The following NBR1 variants were observed in gnomAD, a reference collection of about 807,000 sequenced individuals.
NBR1 encodes NBR1 autophagy cargo receptor.
NBR1 carries 59 observed loss-of-function variants against 115.5 expected under a neutral mutation model. The ratio of observed to expected loss-of-function variants is 0.51; its 90% CI spans 0.41 to 0.63. The LOEUF (loss-of-function observed/expected upper bound fraction) is 0.63. Ranked by LOEUF, NBR1 falls within the 30% of genes least tolerant of loss-of-function variation. NBR1 has a pLI of 0.00. For synonymous variants in NBR1, 373 were observed against 414.7 expected (o/e 0.90, Z 1.22); for missense variants, 1,043 against 1,150.5 (o/e 0.91, Z 1.35).
intron 5 of NBR1, among the ~76,000 whole-genome samples, chr17:43,181,841 A>G (rs2056673636): frequency 6.7e-6 from 1 of 149,700 alleles, no homozygotes; most frequent in South Asian, 2.1e-4. Context: ...AAAATTAGCC[A>G]GGTGTGGTGG....
intron 12 of NBR1, 69 bp from the exon 13 acceptor site, chr17:43,194,281 G>T: frequency 7.3e-7 from 1 of 1,372,412 alleles, no homozygotes; most frequent in Non-Finnish European, 9.9e-7. Context: ...TATTTTTGGG[G>T]GCATTGTCAG....
chr17:43,205,126 C>T (rs539829105), intron 20 of NBR1, among the ~76,000 whole-genome samples: 19 of 151,860 alleles, frequency 1.3e-4, no homozygotes, highest in Admixed American at 1.3e-4. Context: ...AAGGCTGAGG[C>T]GGGCGGATCG....
chr17:43,185,593 C>T (rs888146066), intron 5 of NBR1, among the ~76,000 whole-genome samples: 8 of 152,006 alleles, frequency 5.3e-5, no homozygotes, highest in Admixed American at 1.3e-4. Flanking sequence ...CCCAGCTACC[C>T]GGGAGGCTGA....
intron 5 of NBR1, 136 bp from the exon 6 acceptor site, chr17:43,186,114 G>C (rs1172844895): frequency 1.5e-6 from 1 of 651,196 alleles, no homozygotes; most frequent in Non-Finnish European, 2.5e-6. Flanking sequence ...TTTGTTGTTG[G>C]ATTTAATAAA....
At chr17:43,203,600 C>T in intron 19 of NBR1, 81 bp from the exon 20 acceptor site, 1 of 824,506 alleles carries the variant, frequency 1.2e-6, no homozygotes, top group South Asian at 1.9e-5. Flanking sequence ...AATCTTATTC[C>T]AAGGATTAGA....
At chr17:43,190,912 A>G in intron 9 of NBR1, 136 bp downstream of exon 9, 2 of 879,792 alleles carry the variant, frequency 2.3e-6, no homozygotes, top group Non-Finnish European at 3.3e-6. Context: ...GAAGACAGTT[A>G]TCCAAAGTTA....
rs772712848 is a variant in NBR1, at chr17:43,193,527, G to C, written c.1413G>C (p.Arg471=). The C allele has an allele frequency of 1.9e-6, 3 of 1,613,548 alleles. No homozygotes were observed. The highest frequency in any genetic ancestry group is 2.5e-6 in the Non-Finnish European group (3 of 1,179,720). ...ACAAAGGCCAGCAATTTGGGCCTCG[G>C]GTCTGGTGCAGTATCATAGTAGATC... is the stretch of plus-strand genomic sequence containing the variant. ...LSHKGQQFGP[R]VWCSIIVDPF... The change falls in exon 12 of 21, where the codon CGG becomes CGC. Residue 471 remains arginine (R), a synonymous_variant. Transcript: ENST00000590996.
Position 43,196,508 on chromosome 17 carries a change from C to T in NBR1, c.1778C>T (p.Pro593Leu). The T allele has an allele frequency of 6.3e-7, 1 of 1,597,036 alleles. No individual in the cohort carries two copies. Among genetic ancestry groups the T allele is most frequent in the Non-Finnish European group, 8.5e-7 (1 of 1,174,466 alleles). The change falls in exon 15 of 21, where the codon CCA (proline) becomes CTA (leucine). Residue 593 changes from proline to leucine, a missense_variant. Transcript: ENST00000590996. ...GTGACTCCCTGCATGTCTCCTCTGC[C>T]ACATGACAGTCCTTTAATAGAGAAG... ...VDVTPCMSPL[P>L]HDSPLIEKPG...
rs189908693 is a variant in NBR1, at chr17:43,210,008, T to C, written c.2835T>C (p.Asn945=). Residue 945 remains asparagine (N), a synonymous_variant, in exon 21 of 21, where the codon AAT becomes AAC. Transcript: ENST00000590996. ...NLRLLKKHNY[N]ILQVVTELLQ... is the part of the protein sequence containing the mutation. ...GGCTGCTGAAGAAACACAATTACAATATCCTGCAGGTTGTGACAGAACTTC... is the reference window on the plus strand; with the variant it reads ...GGCTGCTGAAGAAACACAATTACAACATCCTGCAGGTTGTGACAGAACTTC... The C allele has an allele frequency of 1.2e-5, 20 of 1,613,466 alleles. No individual in the cohort carries two copies. In the African/African-American group the frequency reaches 2.7e-4, roughly 22 times the overall value.
chr17:43,190,484 C>A, intron 8 of NBR1, 125 bp from the exon 9 acceptor site: 1 of 963,000 alleles, frequency 1.0e-6, no homozygotes, highest in South Asian at 1.4e-5. Context: ...ATGGCATAGT[C>A]AGATGGCATG....
intron 4 of NBR1, 53 bp downstream of exon 4, chr17:43,179,465 A>T: frequency 6.6e-7 from 1 of 1,510,078 alleles, no homozygotes; most frequent in East Asian, 2.3e-5. Flanking sequence ...TAATCTGCTC[A>T]TTGAGGCATT....
At chr17:43,182,161 T>C (rs2056684074) in intron 5 of NBR1, among the ~76,000 whole-genome samples, 1 of 149,660 alleles carries the variant, frequency 6.7e-6, no homozygotes, top group Admixed American at 6.6e-5. Context: ...GTTCTAGAAC[T>C]ATGTTTACTG....
In NBR1 at chr17:43,210,034, T is replaced by C; in HGVS notation, c.2861T>C (p.Leu954Pro). The C allele has an allele frequency of 6.2e-7, 1 of 1,613,188 alleles. No individual in the cohort carries two copies. The highest frequency in any genetic ancestry group is 8.5e-7 in the Non-Finnish European group (1 of 1,179,546). The change falls in exon 21 of 21, where the codon CTT becomes CCT. Residue 954 changes from leucine (L) to proline (P), a missense_variant. Coordinates refer to ENST00000590996, the MANE Select transcript of NBR1 (RefSeq NM_005899.5). ...YNILQVVTEL[L>P]QLNNNDWYSQ... ...ATCCTGCAGGTTGTGACAGAACTTC[T>C]TCAGTTAAACAACAACGACTGGTAC...
chr17:43,175,862 T>C lies in NBR1; in HGVS notation c.63T>C (p.Ser21=). ...ATGAAATTCAAAGCTTTCTGGTTTC[T>C]GATCCAGAAAATACAACTTGGGCTG... The part of the protein sequence containing the change: ...FKNEIQSFLV[S]DPENTTWADI... Residue 21 remains serine (S), a synonymous_variant, in exon 2 of 21, where the codon TCT becomes TCC. Transcript: ENST00000590996. 1 of 1,606,178 alleles carries C rather than the reference T, an allele frequency of 6.2e-7. No homozygotes were observed. The highest frequency in any genetic ancestry group is 8.5e-7 in the Non-Finnish European group (1 of 1,174,404).
intron 1 of NBR1, among the ~76,000 whole-genome samples, chr17:43,172,998 T>C (rs1464689345): frequency 6.6e-6 from 1 of 151,820 alleles, no homozygotes; most frequent in East Asian, 1.9e-4. Flanking sequence ...GCTAAATTTT[T>C]TGTATTTTTA....
intron 20 of NBR1, 39 bp from the exon 21 acceptor site, chr17:43,209,862 A>ATT (rs11322550): frequency 9.2e-5 from 126 of 1,367,002 alleles, no homozygotes; most frequent in Middle Eastern, 2.4e-4. Flanking sequence ...ATTATACAGA[A>ATT]TTTTTTTTTT....
intron 5 of NBR1, 24 bp from the exon 6 acceptor site, chr17:43,186,226 T>C (rs2056797019): frequency 6.5e-7 from 1 of 1,541,192 alleles, no homozygotes; most frequent in African/African-American, 1.4e-5. Flanking sequence ...TCGCATGTTT[T>C]TGTTTCATAA....
At chr17:43,174,954 AAATT>A (rs1298422952) in intron 1 of NBR1, among the ~76,000 whole-genome samples, 1 of 151,594 alleles carries the variant, frequency 6.6e-6, no homozygotes, top group East Asian at 1.9e-4. Context: ...AAAAAAAAAA[AAATT>A]AGCCGGATGT....
intron 5 of NBR1, among the ~76,000 whole-genome samples, chr17:43,185,812 C>A (rs187989274): frequency 6.6e-6 from 1 of 152,230 alleles, no homozygotes; most frequent in African/African-American, 2.4e-5. Flanking sequence ...GCCTAGCCAA[C>A]ATAGTGAAAC....
Sources: allele counts gnomAD v4.1 joint callset (sites outside exome capture counted in the v4.1 genomes callset), GRCh38; gene constraint gnomAD v4.1.1; transcripts MANE v1.5; gene names NCBI Gene and HGNC (gene_info 2026-07-23, HGNC 2026-07-21).